The following EFHD1 variants were observed in gnomAD, a reference collection of about 807,000 sequenced individuals.
The protein encoded by EFHD1 is EF-hand domain-containing protein D1.
EFHD1 carries 10 observed loss-of-function variants against 17.2 expected under a neutral mutation model. That is an observed-to-expected ratio of 0.58 (90% CI 0.36 to 0.99). The LOEUF is 0.99. EFHD1 is among the 50% of genes least tolerant of loss of function. The pLI is 0.01. For synonymous variants in EFHD1, 153 were observed against 142.0 expected, an observed-to-expected ratio of 1.08 and a Z score of -0.55; for missense variants, 310 against 327.5, an observed-to-expected ratio of 0.95 and a Z score of 0.41.
chr2:232,614,027 CACACAAACAT>C (rs1385644653), intron 1 of EFHD1, among the ~76,000 whole-genome samples: 2 of 143,482 alleles, frequency 1.4e-5, no homozygotes, highest in Admixed American at 7.1e-5. Flanking sequence ...CACAAATACA[CACACAAACAT>C]ACACAAACAC....
At chr2:232,621,882 G>T (rs1040128693) in intron 1 of EFHD1, among the ~76,000 whole-genome samples, 7 of 152,184 alleles carry the variant, frequency 4.6e-5, no homozygotes, top group African/African-American at 1.7e-4. Flanking sequence ...ACCCCTCTGT[G>T]CCCATGACAG....
At chr2:232,620,157 G>C (rs1693995391) in intron 1 of EFHD1, among the ~76,000 whole-genome samples, 1 of 151,596 alleles carries the variant, frequency 6.6e-6, no homozygotes, top group African/African-American at 2.4e-5. Flanking sequence ...GGGAGGCTGA[G>C]GCGGGTGGAT....
chr2:232,614,291 A>G (rs911888832), intron 1 of EFHD1, among the ~76,000 whole-genome samples: 1 of 151,982 alleles, frequency 6.6e-6, no homozygotes, highest in African/African-American at 2.4e-5. Context: ...AGTAAAAGTG[A>G]CCCTGAGTGT....
chr2:232,678,144 G>A (rs538210597), intron 3 of EFHD1, among the ~76,000 whole-genome samples: 23 of 151,942 alleles, frequency 1.5e-4, no homozygotes, highest in Admixed American at 1.1e-3. Context: ...TTAGCTGGGC[G>A]TGGTGGCGTG....
intron 1 of EFHD1, among the ~76,000 whole-genome samples, chr2:232,607,473 TA>T (rs1356955310): frequency 6.6e-6 from 1 of 150,606 alleles, no homozygotes; most frequent in Non-Finnish European, 1.5e-5. Context: ...AGGCAACTGT[TA>T]CCCCAGATAC....
intron 3 of EFHD1, among the ~76,000 whole-genome samples, chr2:232,673,092 A>C (rs1424943226): frequency 6.6e-6 from 1 of 152,320 alleles, no homozygotes; most frequent in South Asian, 2.1e-4. Context: ...ATCTCCAGCA[A>C]AGCTGGGCAC....
chr2:232,620,244 C>G lies in EFHD1; in HGVS notation c.14+14071C>G, dbSNP rs564988721. On this transcript the variant is annotated intron_variant, in intron 1 of 3. Transcript: ENST00000409613. ...TCTACTAAAAATACAAAAAATTAGC[C>G]GGGCGCGGTGGCAGGCACCTGTAGT... 4.2e-3 allele frequency among the ~76,000 whole-genome samples: 636 copies of G among 151,708 alleles called. 4 individuals carry two copies. The highest frequency in any genetic ancestry group is 0.015 in the African/African-American group (624 of 41,384).
intron 1 of EFHD1, among the ~76,000 whole-genome samples, chr2:232,625,026 C>T (rs12465169): frequency 0.23 from 34,948 of 151,942 alleles, 4,476 homozygotes; most frequent in East Asian, 0.57. Flanking sequence ...ACTTATCATC[C>T]AAGCTAGATT....
chr2:232,647,355 G>A (rs184296467), intron 1 of EFHD1, among the ~76,000 whole-genome samples: 1 of 152,376 alleles, frequency 6.6e-6, no homozygotes, highest in African/African-American at 2.4e-5. Context: ...GCGCCCTGTA[G>A]TCCGCTTGCG....
chr2:232,617,388 C>A (rs539376201), intron 1 of EFHD1, among the ~76,000 whole-genome samples: 1 of 152,080 alleles, frequency 6.6e-6, no homozygotes, highest in South Asian at 2.1e-4. Context: ...CAGTGGCTCA[C>A]GCTTTAATCC....
chr2:232,634,108 G>C (rs1015155543), intron 1 of EFHD1, 102 bp downstream of exon 1: 6 of 1,504,824 alleles, frequency 4.0e-6, no homozygotes, highest in Non-Finnish European at 5.3e-6. Context: ...GAGGGGTCCC[G>C]GGGTGCAGGT....
At chr2:232,659,349 A>C (rs1367934965) in intron 1 of EFHD1, among the ~76,000 whole-genome samples, 1 of 151,964 alleles carries the variant, frequency 6.6e-6, no homozygotes, top group African/African-American at 2.4e-5. Flanking sequence ...AAGGTGGTGA[A>C]TGCTAAGTCC....
rs1444721323 is a variant in EFHD1 at position 232,664,865 on chromosome 2, G to A, written c.450+1916G>A. Among the ~76,000 whole-genome samples the A allele has an allele frequency of 4.0e-5, 6 of 149,846 alleles. No homozygotes were observed. In the East Asian group the frequency reaches 6.0e-4, roughly 15 times the overall value. ...CCTGACCTCGTGATCCGCCTGCCTCGGCCTCCCAAAGTGCTGGGATTACAG... is the reference window on the plus strand; with the variant it reads ...CCTGACCTCGTGATCCGCCTGCCTCAGCCTCCCAAAGTGCTGGGATTACAG... On this transcript the variant is annotated intron_variant, in intron 2 of 3. Transcript: ENST00000264059.
chr2:232,651,510 C>T (rs549170109), intron 1 of EFHD1, among the ~76,000 whole-genome samples: 3 of 152,302 alleles, frequency 2.0e-5, no homozygotes, highest in African/African-American at 7.2e-5. Flanking sequence ...ATAAGTGTTC[C>T]CCCTTCCCCC....
At chr2:232,619,117 C>T (rs1574701628) in intron 1 of EFHD1, among the ~76,000 whole-genome samples, 1 of 151,752 alleles carries the variant, frequency 6.6e-6, no homozygotes, top group East Asian at 2.0e-4. Flanking sequence ...CGCGCCATTG[C>T]ACTCCAGCCT....
chr2:232,656,530 G>T (rs183700027), intron 1 of EFHD1, among the ~76,000 whole-genome samples: 62 of 151,696 alleles, frequency 4.1e-4, no homozygotes, highest in African/African-American at 1.2e-3. Context: ...GACCTCCCAG[G>T]CTTGAAATGA....
chr2:232,608,268 G>A (rs554969952), intron 1 of EFHD1, among the ~76,000 whole-genome samples: 6 of 152,252 alleles, frequency 3.9e-5, no homozygotes, highest in African/African-American at 1.2e-4. Context: ...TACTTAGGAG[G>A]CTGAGGTGGG....
intron 2 of EFHD1, among the ~76,000 whole-genome samples, chr2:232,666,128 A>G (rs982261790): frequency 3.2e-4 from 48 of 152,352 alleles, no homozygotes; most frequent in African/African-American, 1.1e-3. Context: ...CCTTGCTTCT[A>G]TAAATCAGCT....
intron 1 of EFHD1, among the ~76,000 whole-genome samples, chr2:232,655,089 T>A (rs553521943): frequency 9.8e-5 from 15 of 152,360 alleles, no homozygotes; most frequent in African/African-American, 3.4e-4. Context: ...TTCAGCCTGT[T>A]CTGCGAATTC....
Sources: allele counts gnomAD v4.1 joint callset (sites outside exome capture counted in the v4.1 genomes callset), GRCh38; gene constraint gnomAD v4.1.1; transcripts MANE v1.5; gene names NCBI Gene and HGNC (gene_info 2026-07-23, HGNC 2026-07-21).